UBE2L5: variants seen among roughly 807,000 people sequenced by gnomAD.
UBE2L5 encodes the protein ubiquitin-conjugating enzyme E2 L5.
UBE2L5 carries 3 observed loss-of-function variants against 10.0 expected under a neutral mutation model. The ratio of observed to expected loss-of-function variants is 0.30; its 90% CI spans 0.14 to 0.78. The LOEUF (loss-of-function observed/expected upper bound fraction) is 0.78. Ranked by LOEUF, UBE2L5 falls within the 30% of genes least tolerant of loss-of-function variation. The pLI is 0.65. For missense variants in UBE2L5, 131 were observed against 193.3 expected, an observed-to-expected ratio of 0.68 and a Z score of 1.91; for synonymous variants, 60 against 71.9, an observed-to-expected ratio of 0.83 and a Z score of 0.83.
At chr13:30,423,029 A>G (rs1258839192) in intron 1 of UBE2L5, among the ~76,000 whole-genome samples, 2 of 152,252 alleles carry the variant, frequency 1.3e-5, no homozygotes, top group Non-Finnish European at 2.9e-5. Context: ...TGATAAAATC[A>G]TTAAATAATA....
chr13:30,423,267 G>A (rs1394805959), intron 1 of UBE2L5, among the ~76,000 whole-genome samples: 1 of 152,144 alleles, frequency 6.6e-6, no homozygotes, highest in Admixed American at 6.5e-5. Flanking sequence ...AATATGGAGT[G>A]TTATTAAACT....
rs56343313 is a variant in UBE2L5 at position 30,428,849 on chromosome 13, CTT to C, written c.*411_*412del. 6.5e-5 allele frequency among the ~76,000 whole-genome samples: 8 copies of C among 123,232 alleles called. No individual in the cohort carries two copies. The highest frequency in any genetic ancestry group is 1.7e-4 in the Admixed American group (2 of 11,436). The allele number at this position is 123,232 out of a possible 152,430, so 80.8% of individuals were successfully genotyped here. ...AAGAGATTGTATGCTATATTCCTTG[CTT>C]TTTTTTTTTTTTTTTTGGTGGATGT... On this transcript the variant is annotated 3_prime_UTR_variant, in exon 4 of 4. Transcript: ENST00000635918.
rs572378056 is a variant in UBE2L5, at chr13:30,427,364, A to G, written c.-627A>G. The G allele has an allele frequency of 6.6e-6, 1 of 152,386 alleles. No homozygotes were observed. The highest frequency in any genetic ancestry group is 1.9e-4 in the East Asian group (1 of 5,192). 9.4% of individuals were successfully genotyped at this position (152,386 alleles called of 1,614,324 possible). On this transcript the variant is annotated 5_prime_UTR_variant, in exon 4 of 4. It removes an upstream start codon present in the reference 5' UTR. Coordinates refer to ENST00000635918, the MANE Select transcript of UBE2L5 (RefSeq NM_001355247.2). ...GTCTGAATTACTTCCTGTTAAGAAC[A>G]TGAACTGGATTAATAGAAATTTCTC...
chr13:30,426,715 T>A lies in UBE2L5; in HGVS notation c.-684-10T>A, dbSNP rs1211872131. On this transcript the variant is annotated splice_polypyrimidine_tract_variant and intron_variant, in intron 2 of 3. Coordinates refer to ENST00000635918, the MANE Select transcript of UBE2L5 (RefSeq NM_001355247.2). ...TACATTTTGATTCAAAATGTCTGTG[T>A]TTCTTCCAGGCTTTGATCAAAATCA... The A allele has an allele frequency of 2.0e-5, 3 of 152,214 alleles. No individual in the cohort carries two copies. The highest frequency in any genetic ancestry group is 6.5e-5 in the Admixed American group (1 of 15,280). 9.4% of individuals were successfully genotyped at this position (152,214 alleles called of 1,614,324 possible).
At chr13:30,425,177 AC>A (rs958997971) in intron 2 of UBE2L5, among the ~76,000 whole-genome samples, 1 of 152,144 alleles carries the variant, frequency 6.6e-6, no homozygotes, top group Non-Finnish European at 1.5e-5. Flanking sequence ...GGAGTTCTAG[AC>A]CACACTCTGA....
chr13:30,428,662 A>G lies in UBE2L5; in HGVS notation c.*207A>G. 1.8e-6 allele frequency: 1 copy of G among 559,124 alleles called. No homozygotes were observed. Among genetic ancestry groups the G allele is most frequent in the Non-Finnish European group, 3.0e-6 (1 of 332,706 alleles). 34.6% of individuals were successfully genotyped at this position (559,124 alleles called of 1,614,324 possible). ...GATTAAAAATTTAAGATGTTCTTAA[A>G]AAAAAAAAAAGTGGCCATTAATAGA... On this transcript the variant is annotated 3_prime_UTR_variant, in exon 4 of 4. Coordinates refer to ENST00000635918, the MANE Select transcript of UBE2L5 (RefSeq NM_001355247.2).
Position 30,428,422 on chromosome 13 carries a change from A to G in UBE2L5, c.432A>G (p.Thr144=). The change falls in exon 4 of 4, where the codon ACA becomes ACG. Residue 144 remains threonine, a synonymous_variant. Transcript: ENST00000635918. ...TCTGTAAGAATGCTGAAGAGTTTAC[A>G]AAGAAATATGGGGAAAAGCGACCTG... The part of the protein sequence containing the change: ...KKFCKNAEEF[T]KKYGEKRPVD 1.2e-6 allele frequency: 2 copies of G among 1,611,094 alleles called. No homozygotes were observed. The highest frequency in any genetic ancestry group is 2.7e-5 in the African/African-American group (2 of 74,866).
In UBE2L5 at chr13:30,427,793, G is replaced by A. The variant is rs1010152272; in HGVS notation, c.-198G>A. 3 of 581,430 alleles carry A rather than the reference G, an allele frequency of 5.2e-6. No homozygotes were observed. The East Asian group carries it at 8.7e-5, about 17-fold the overall frequency. 36.0% of individuals were successfully genotyped at this position (581,430 alleles called of 1,614,324 possible). A position where few individuals can be genotyped will look rare whatever the true frequency, so the allele number is the denominator to read the frequency against. On this transcript the variant is annotated 5_prime_UTR_variant, in exon 4 of 4. Transcript: ENST00000635918. ...CACTCCAGCCTGGGCAACAGAGAGA[G>A]ACTCTGGCTAAAAAAAAAAAAAATT...
intron 2 of UBE2L5, among the ~76,000 whole-genome samples, chr13:30,426,344 A>G (rs1053283258): frequency 1.3e-4 from 20 of 152,154 alleles, no homozygotes; most frequent in South Asian, 2.1e-4. Flanking sequence ...TATGGATGCG[A>G]GTCGGGGCTT....
chr13:30,428,495 C>G lies in UBE2L5; in HGVS notation c.*40C>G. On this transcript the variant is annotated 3_prime_UTR_variant, in exon 4 of 4. Transcript: ENST00000635918. ...GGTTCCAGCAAGTGTGAGCAGAGAC[C>G]CCGTGCAGTACATTCAGACACCCCG... is the stretch of plus-strand genomic sequence containing the variant. 1 of 1,603,288 alleles carries G rather than the reference C, an allele frequency of 6.2e-7. No homozygotes were observed. The highest frequency in any genetic ancestry group is 1.8e-5 in the Admixed American group (1 of 56,730).
Position 30,424,902 on chromosome 13 carries a change from G to C in UBE2L5, c.-685+1G>C, listed in dbSNP as rs1885515779. On this transcript the variant is annotated splice_donor_variant, in intron 2 of 3. Coordinates refer to ENST00000635918, the MANE Select transcript of UBE2L5 (RefSeq NM_001355247.2). LOFTEE classifies it low-confidence loss of function (5UTR_SPLICE). The stretch of plus-strand genomic sequence containing the variant: ...GCCTCCTGAGCAGCTAGGATTACAG[G>C]TGTGTACTACCATGCCCACCTAATT... 3.3e-5 allele frequency: 5 copies of C among 152,408 alleles called. No homozygotes were observed. The South Asian group carries it at 1.0e-3, about 32-fold the overall frequency. The allele number at this position is 152,408 out of a possible 1,614,324, so 9.4% of individuals were successfully genotyped here. A position where few individuals can be genotyped will look rare whatever the true frequency, so the allele number is the denominator to read the frequency against.
rs1481139224 is a variant in UBE2L5, at chr13:30,428,836, G to T, written c.*381G>T. ...GAACATAAAAGAAAAGAGATTGTAT[G>T]CTATATTCCTTGCTTTTTTTTTTTT... On this transcript the variant is annotated 3_prime_UTR_variant, in exon 4 of 4. Coordinates refer to ENST00000635918, the MANE Select transcript of UBE2L5 (RefSeq NM_001355247.2). Among the ~76,000 whole-genome samples the T allele has an allele frequency of 2.1e-5, 3 of 140,614 alleles. No individual in the cohort carries two copies. The East Asian group carries it at 6.5e-4, about 30-fold the overall frequency. The allele number at this position is 140,614 out of a possible 152,430, so 92.2% of individuals were successfully genotyped here.
intron 1 of UBE2L5, among the ~76,000 whole-genome samples, chr13:30,424,572 C>T (rs1885512161): frequency 6.6e-6 from 1 of 152,144 alleles, no homozygotes; most frequent in Non-Finnish European, 1.5e-5. Flanking sequence ...ACTTGCCATT[C>T]AGTGTAAAGC....
intron 1 of UBE2L5, among the ~76,000 whole-genome samples, chr13:30,422,923 T>G (rs1264827328): frequency 9.2e-5 from 14 of 152,190 alleles, no homozygotes; most frequent in South Asian, 4.1e-4. Context: ...GCGGTGCCAA[T>G]ATCGGGAAAA....
Position 30,428,518 on chromosome 13 carries a change from C to T in UBE2L5, c.*63C>T. On this transcript the variant is annotated 3_prime_UTR_variant, in exon 4 of 4. Coordinates refer to ENST00000635918, the MANE Select transcript of UBE2L5 (RefSeq NM_001355247.2). ...ACCCCGTGCAGTACATTCAGACACC[C>T]CGCAAAGCAGGACTCTGTGGAAATT... 6.4e-7 allele frequency: 1 copy of T among 1,566,312 alleles called. No homozygotes were observed. Among genetic ancestry groups the T allele is most frequent in the Non-Finnish European group, 8.6e-7 (1 of 1,158,240 alleles).
rs1885586196 is a variant in UBE2L5, at chr13:30,429,150, TG to T, written c.*697del. 1.3e-5 allele frequency among the ~76,000 whole-genome samples: 2 copies of T among 152,024 alleles called. No homozygotes were observed. Among genetic ancestry groups the T allele is most frequent in the Non-Finnish European group, 2.9e-5 (2 of 67,998 alleles). ...AACAAATAAAAGTAGCCGGGCGTGG[TG>T]GCAGACTCCTGTAATCCCAGCTACT... On this transcript the variant is annotated 3_prime_UTR_variant, in exon 4 of 4. Transcript: ENST00000635918.
chr13:30,425,329 T>C (rs754321336), intron 2 of UBE2L5, among the ~76,000 whole-genome samples: 1 of 152,186 alleles, frequency 6.6e-6, no homozygotes, highest in Non-Finnish European at 1.5e-5. Flanking sequence ...TGGGTCCCAA[T>C]TGTCTACTTA....
At position 30,427,733 on chromosome 13, in the gene UBE2L5, G is replaced by T; in HGVS notation, c.-258G>T. The T allele has an allele frequency of 2.1e-6, 1 of 465,968 alleles. No homozygotes were observed. Among genetic ancestry groups the T allele is most frequent in the South Asian group, 3.5e-5 (1 of 28,500 alleles). The allele number at this position is 465,968 out of a possible 1,614,324, so 28.9% of individuals were successfully genotyped here. ...GCGAGAGGATGGCTTGAACCCGGGA[G>T]GCTGAGGTTGCAATGAGCAGAGATG... On this transcript the variant is annotated 5_prime_UTR_variant, in exon 4 of 4. It adds an upstream start codon to the 5' untranslated region. Transcript: ENST00000635918.
chr13:30,429,141 CG>C lies in UBE2L5; in HGVS notation c.*689del, dbSNP rs1885585933. 6.6e-6 allele frequency among the ~76,000 whole-genome samples: 1 copy of C among 151,904 alleles called. No individual in the cohort carries two copies. Among genetic ancestry groups the C allele is most frequent in the South Asian group, 2.1e-4 (1 of 4,816 alleles). On this transcript the variant is annotated 3_prime_UTR_variant, in exon 4 of 4. Coordinates refer to ENST00000635918, the MANE Select transcript of UBE2L5 (RefSeq NM_001355247.2). The stretch of plus-strand genomic sequence containing the variant: ...AAATAAATAAACAAATAAAAGTAGC[CG>C]GGCGTGGTGGCAGACTCCTGTAATC...
Sources: gnomAD v4.1 joint callset for allele counts (sites outside exome capture counted in the v4.1 genomes callset) on GRCh38, gnomAD v4.1.1 for gene constraint, MANE v1.5 for transcripts, NCBI Gene and HGNC (gene_info 2026-07-23, HGNC 2026-07-21) for gene names.